The following WDR33 variants were observed in gnomAD, a reference collection of about 807,000 sequenced individuals.
WDR33 encodes pre-mRNA 3' end processing protein WDR33.
WDR33 carries 47 observed loss-of-function variants against 164.9 expected under a neutral mutation model. The observed-to-expected ratio is 0.29, with a 90% CI of 0.23 to 0.36. The LOEUF (loss-of-function observed/expected upper bound fraction) is 0.36. Among genes scored for constraint, WDR33 ranks in the 10% least tolerant of loss-of-function variants. The probability of loss-of-function intolerance (pLI) is 1.00; values close to 1 mark genes in which losing one functional copy is unlikely to be tolerated. For missense variants in WDR33, 1,137 were observed against 1,754.1 expected (o/e 0.65, Z 6.28); for synonymous variants, 505 against 589.0 (o/e 0.86, Z 2.06).
chr2:127,747,426 C>T (rs913988777), intron 7 of WDR33, among the ~76,000 whole-genome samples: 11 of 150,786 alleles, frequency 7.3e-5, no homozygotes, highest in African/African-American at 1.5e-4. Flanking sequence ...TTAGGGCTAC[C>T]GCTGCTCTAC....
intron 4 of WDR33, among the ~76,000 whole-genome samples, chr2:127,765,537 G>T (rs888225720): frequency 6.6e-6 from 1 of 152,006 alleles, no homozygotes; most frequent in African/African-American, 2.4e-5. Context: ...TTACACACAC[G>T]TATGCATGCT....
rs1686067202 is a variant in WDR33, at chr2:127,708,364, A to G, written c.3781+313T>C. 1.3e-5 allele frequency among the ~76,000 whole-genome samples: 2 copies of G among 152,226 alleles called. No individual in the cohort carries two copies. Among genetic ancestry groups the G allele is most frequent in the Non-Finnish European group, 2.9e-5 (2 of 68,048 alleles). On this transcript the variant is annotated intron_variant, in intron 21 of 21. Coordinates refer to ENST00000322313, the MANE Select transcript of WDR33 (RefSeq NM_018383.5). The surrounding 1 kb of genome is among the most constrained non-coding windows in gnomAD (Gnocchi z 6.7). ...CCACTGAGAGCCCTTGAGGGTTCCAAGCAGCCTTGTGGAGGGCAGACTGCC... is the reference window on the plus strand; with the variant it reads ...CCACTGAGAGCCCTTGAGGGTTCCAGGCAGCCTTGTGGAGGGCAGACTGCC...
intron 4 of WDR33, among the ~76,000 whole-genome samples, chr2:127,766,953 T>C (rs534061800): frequency 1.3e-5 from 2 of 152,100 alleles, no homozygotes; most frequent in African/African-American, 4.8e-5. Context: ...AACACGAGGT[T>C]TCATCATATT....
intron 1 of WDR33, among the ~76,000 whole-genome samples, chr2:127,788,284 C>G (rs1688682586): frequency 1.5e-5 from 2 of 130,056 alleles, no homozygotes; most frequent in African/African-American, 3.0e-5. Flanking sequence ...GGGCGGCCGG[C>G]CGGGCGGGGG....
At chr2:127,761,830 G>T (rs1180106456) in intron 7 of WDR33, among the ~76,000 whole-genome samples, 2 of 152,190 alleles carry the variant, frequency 1.3e-5, no homozygotes, top group Non-Finnish European at 2.9e-5. Context: ...CTCCCTCAAT[G>T]TGACAGGTTC....
At chr2:127,782,458 T>G (rs754434948) in intron 1 of WDR33, among the ~76,000 whole-genome samples, 1 of 152,106 alleles carries the variant, frequency 6.6e-6, no homozygotes, top group Non-Finnish European at 1.5e-5. Flanking sequence ...ATTAACCAAA[T>G]GTGGCAGTTT....
intron 2 of WDR33, among the ~76,000 whole-genome samples, chr2:127,769,266 T>C (rs1164950147): frequency 2.6e-5 from 4 of 152,036 alleles, no homozygotes; most frequent in Non-Finnish European, 5.9e-5. Context: ...GGCAGGCAGA[T>C]CACCTGAGGT....
intron 21 of WDR33, among the ~76,000 whole-genome samples, chr2:127,707,181 T>C (rs956152157): frequency 1.4e-4 from 21 of 150,172 alleles, no homozygotes; most frequent in African/African-American, 4.9e-4. Flanking sequence ...CACAAATGTT[T>C]AGGTACTATT....
At chr2:127,806,896 A>C (rs1689458860) in intron 1 of WDR33, among the ~76,000 whole-genome samples, 1 of 152,226 alleles carries the variant, frequency 6.6e-6, no homozygotes, top group African/African-American at 2.4e-5. Context: ...TCATTCAAGA[A>C]AGGGAGGATA....
Position 127,709,410 on chromosome 2 carries a change from G to C in WDR33, c.3565+80C>G. On this transcript the variant is annotated intron_variant, in intron 20 of 21. Transcript: ENST00000322313. This position sits in a 1 kb window ranked among gnomAD's most constrained non-coding sequence, Gnocchi z 5.0. ...ACATGAGCTGGAAAGAGGAGACCCG[G>C]TGCACCCCAGAGAGGGCCCTCAGAA... 7.2e-7 allele frequency: 1 copy of C among 1,389,688 alleles called. No individual in the cohort carries two copies. The highest frequency in any genetic ancestry group is 1.0e-6 in the Non-Finnish European group (1 of 982,162). The allele number at this position is 1,389,688 out of a possible 1,614,324, so 86.1% of individuals were successfully genotyped here. A position where few individuals can be genotyped will look rare whatever the true frequency, so the allele number is the denominator to read the frequency against.
At chr2:127,740,812 T>C (rs1350940037) in intron 7 of WDR33, among the ~76,000 whole-genome samples, 2 of 152,212 alleles carry the variant, frequency 1.3e-5, no homozygotes, top group African/African-American at 4.8e-5. Context: ...AAAACAAATA[T>C]GCAAGCCTCT....
Position 127,718,087 on chromosome 2 carries a change from T to C in WDR33, c.2761-824A>G, listed in dbSNP as rs577000639. Among the ~76,000 whole-genome samples, 1 of 152,258 alleles carries C rather than the reference T, an allele frequency of 6.6e-6. No individual in the cohort carries two copies. Among genetic ancestry groups the C allele is most frequent in the Non-Finnish European group, 1.5e-5 (1 of 68,010 alleles). On this transcript the variant is annotated intron_variant, in intron 16 of 21. Transcript: ENST00000322313. This position sits in a 1 kb window ranked among gnomAD's most constrained non-coding sequence, Gnocchi z 4.4. ...ACTTCTGAGAAGTGCTGAATAAAAA[T>C]CTGGAAATAACTCAGACATCATCAG...
intron 7 of WDR33, among the ~76,000 whole-genome samples, chr2:127,728,999 A>G (rs1686637191): frequency 6.6e-6 from 1 of 152,190 alleles, no homozygotes; most frequent in Non-Finnish European, 1.5e-5. Flanking sequence ...TTGCTTTCTA[A>G]TGTTCTCTAA....
rs1009339124 is a variant in WDR33, at chr2:127,723,192, T to G, written c.1291+61A>C. The G allele has an allele frequency of 1.3e-6, 2 of 1,512,726 alleles. No individual in the cohort carries two copies. Among genetic ancestry groups the G allele is most frequent in the African/African-American group, 2.8e-5 (2 of 71,912 alleles). The allele number at this position is 1,512,726 out of a possible 1,614,324, so 93.7% of individuals were successfully genotyped here. A position where few individuals can be genotyped will look rare whatever the true frequency, so the allele number is the denominator to read the frequency against. On this transcript the variant is annotated intron_variant, in intron 12 of 21. Transcript: ENST00000322313. This position sits in a 1 kb window ranked among gnomAD's most constrained non-coding sequence, Gnocchi z 5.9. ...TTCATTTTGTATAATCTTCCCAACA[T>G]CTAACACTTCTGTAATAGAATACCA... is the stretch of plus-strand genomic sequence containing the variant.
rs1266414721 is a variant in WDR33 at position 127,768,967 on chromosome 2, C to T, written c.239G>A (p.Arg80Gln). 5.7e-6 allele frequency: 9 copies of T among 1,584,678 alleles called. No individual in the cohort carries two copies. Among genetic ancestry groups the T allele is most frequent in the Admixed American group, 3.5e-5 (2 of 56,646 alleles). ...RIWQRDQRDM[R>Q]AIQPDAGYYN... The stretch of plus-strand genomic sequence containing the variant: ...ATAACCTGCATCAGGCTGAATTGCC[C>T]GCATATCTCTCTGGTCTCTTTGCCA... The change falls in exon 3 of 22, where the codon CGG (arginine) becomes CAG (glutamine). Residue 80 changes from arginine to glutamine, a missense_variant. Transcript: ENST00000322313.
chr2:127,799,091 A>T (rs1386760190), intron 1 of WDR33: 1 of 152,298 alleles, frequency 6.6e-6, no homozygotes, highest in East Asian at 1.9e-4. Context: ...ATACCAATGG[A>T]GGAGAATCTA....
Position 127,726,617 on chromosome 2 carries a change from G to A in WDR33, c.851+34C>T. On this transcript the variant is annotated intron_variant, in intron 8 of 21. Transcript: ENST00000322313. This position sits in a 1 kb window ranked among gnomAD's most constrained non-coding sequence, Gnocchi z 4.8. ...AGGACACACTGCTTTGCTCCCCTTT[G>A]TTCAGGGGCCAAGGTGGGGTTCCTG... The A allele has an allele frequency of 6.2e-7, 1 of 1,611,588 alleles. No homozygotes were observed. Among genetic ancestry groups the A allele is most frequent in the Non-Finnish European group, 8.5e-7 (1 of 1,178,774 alleles).
chr2:127,749,397 C>G (rs908108842), intron 7 of WDR33, among the ~76,000 whole-genome samples: 6 of 151,986 alleles, frequency 3.9e-5, no homozygotes, highest in Non-Finnish European at 7.4e-5. Context: ...TGTGGTGGCT[C>G]GTGTCTGTAA....
At position 127,764,580 on chromosome 2, in the gene WDR33, C is replaced by A; in HGVS notation, c.626+248G>T. The A allele has an allele frequency of 6.4e-7, 1 of 1,551,242 alleles. No homozygotes were observed. The stretch of plus-strand genomic sequence containing the variant: ...TTAATCATAAATGAAAAGAGAAAAC[C>A]AGTGCAAAATGCGGCAGACAGTACA... On this transcript the variant is annotated intron_variant, in intron 6 of 21. Transcript: ENST00000322313. The surrounding 1 kb of genome is among the most constrained non-coding windows in gnomAD (Gnocchi z 6.2).
Sources: gnomAD v4.1 joint callset for allele counts (sites outside exome capture counted in the v4.1 genomes callset) on GRCh38, gnomAD v4.1.1 for gene constraint, Gnocchi (gnomAD v3.1) non-coding constraint, MANE v1.5 for transcripts, NCBI Gene and HGNC (gene_info 2026-07-23, HGNC 2026-07-21) for gene names.